WWTR1: variants seen among roughly 807,000 people sequenced by gnomAD.
The protein encoded by WWTR1 is WW domain-containing transcription regulator protein 1.
A neutral mutation model predicts 40.1 loss-of-function variants in WWTR1; 13 were observed. The observed-to-expected ratio is 0.32, with a 90% CI of 0.21 to 0.52. The LOEUF (loss-of-function observed/expected upper bound fraction) is 0.52, where lower values mean the gene tolerates loss of function less well. Among genes scored for constraint, WWTR1 ranks in the 20% least tolerant of loss-of-function variants. The pLI, the probability that WWTR1 is intolerant of heterozygous loss-of-function variation, is 0.97. For missense variants in WWTR1, 436 were observed against 523.1 expected, an observed-to-expected ratio of 0.83 and a Z score of 1.63; for synonymous variants, 230 against 210.1, an observed-to-expected ratio of 1.09 and a Z score of -0.82.
chr3:149,545,411 T>A (rs1192411338), intron 3 of WWTR1, among the ~76,000 whole-genome samples: 5 of 152,216 alleles, frequency 3.3e-5, no homozygotes, highest in Non-Finnish European at 7.3e-5. Flanking sequence ...AATATGGTAG[T>A]ATCTGACACA....
intron 1 of WWTR1, among the ~76,000 whole-genome samples, chr3:149,677,979 C>G (rs1020361923): frequency 6.6e-6 from 1 of 151,570 alleles, no homozygotes; most frequent in Non-Finnish European, 1.5e-5. Context: ...CCATGTTGGC[C>G]AGGCTGATCT....
At position 149,694,583 on chromosome 3, in the gene WWTR1, T is replaced by G. The variant is rs532294272; in HGVS notation, c.-108+8541A>C. ...AGGTGCCTGAAAAGGTGTTCAACAT[T>G]ATTGATCATCAGAGAAATGCAAACC... On this transcript the variant is annotated intron_variant, in intron 1 of 7. Transcript: ENST00000465804. Among the ~76,000 whole-genome samples the G allele has an allele frequency of 8.5e-5, 13 of 152,272 alleles. No individual in the cohort carries two copies. The South Asian group carries it at 2.7e-3, about 32-fold the overall frequency.
intron 1 of WWTR1, among the ~76,000 whole-genome samples, chr3:149,692,301 A>G (rs1446948721): frequency 6.6e-6 from 1 of 152,236 alleles, no homozygotes; most frequent in Non-Finnish European, 1.5e-5. Flanking sequence ...AAAATAATTC[A>G]CCATGACCAA....
chr3:149,698,540 T>C (rs1326740248), intron 1 of WWTR1, among the ~76,000 whole-genome samples: 2 of 152,200 alleles, frequency 1.3e-5, no homozygotes, highest in South Asian at 2.1e-4. Context: ...AACAGCTCCA[T>C]GAGGCAGTGC....
At chr3:149,618,924 C>T (rs1406291814) in intron 2 of WWTR1, among the ~76,000 whole-genome samples, 1 of 152,160 alleles carries the variant, frequency 6.6e-6, no homozygotes, top group Admixed American at 6.5e-5. Context: ...CCAACATCTC[C>T]TTCAACCCAT....
intron 1 of WWTR1, among the ~76,000 whole-genome samples, chr3:149,700,273 C>T (rs1715129430): frequency 6.6e-6 from 1 of 152,002 alleles, no homozygotes; most frequent in East Asian, 1.9e-4. Flanking sequence ...TCAAGACCAG[C>T]CTTGGGCAAC....
At chr3:149,579,098 G>T (rs946437293) in intron 2 of WWTR1, among the ~76,000 whole-genome samples, 4 of 152,182 alleles carry the variant, frequency 2.6e-5, no homozygotes, top group African/African-American at 9.7e-5. Context: ...CATTTTGAAA[G>T]AATTTAAAAC....
At chr3:149,609,829 T>C (rs921727149) in intron 2 of WWTR1, among the ~76,000 whole-genome samples, 1 of 152,228 alleles carries the variant, frequency 6.6e-6, no homozygotes, top group Non-Finnish European at 1.5e-5. Context: ...CAGCAAACTA[T>C]TGTTTTTACC....
chr3:149,638,158 G>A (rs1467710777), intron 2 of WWTR1, among the ~76,000 whole-genome samples: 1 of 152,124 alleles, frequency 6.6e-6, no homozygotes, highest in Non-Finnish European at 1.5e-5. Flanking sequence ...AGAGGTTGCA[G>A]GAAGCCAAGA....
intron 6 of WWTR1, among the ~76,000 whole-genome samples, chr3:149,521,291 G>T (rs1161709416): frequency 2.0e-5 from 3 of 152,138 alleles, no homozygotes; most frequent in Non-Finnish European, 1.5e-5. Context: ...GAGTAGAGAG[G>T]CCTTGTCTGT....
At position 149,519,525 on chromosome 3, in the gene WWTR1, GA is replaced by G. The variant is rs1734943047; in HGVS notation, c.*1279del. ...ACTGTGTGTGGTGTGCTATCAGGTT[GA>G]AATCTATGTTGTCCTGATGTTTTCA... On this transcript the variant is annotated 3_prime_UTR_variant, in exon 7 of 7. Coordinates refer to ENST00000360632, the MANE Select transcript of WWTR1 (RefSeq NM_015472.6). 6.6e-6 allele frequency: 1 copy of G among 152,332 alleles called. No homozygotes were observed. The highest frequency in any genetic ancestry group is 1.9e-4 in the East Asian group (1 of 5,192). 9.4% of individuals were successfully genotyped at this position (152,332 alleles called of 1,614,324 possible).
At chr3:149,557,061 CTTTTTTTTTTTTTTT>C (rs3044118) in intron 3 of WWTR1, among the ~76,000 whole-genome samples, 15 of 64,374 alleles carry the variant, frequency 2.3e-4, no homozygotes, top group African/African-American at 8.7e-4. Flanking sequence ...CTGGAATCTT[CTTTTTTTTTTTTTTT>C]TTTTTTTTTT....
intron 4 of WWTR1, among the ~76,000 whole-genome samples, chr3:149,535,382 C>CA (rs150617075): frequency 1.2e-4 from 18 of 150,614 alleles, no homozygotes; most frequent in African/African-American, 3.9e-4. Context: ...GCGGGGGGAA[C>CA]AAAAAAAAAT....
At chr3:149,631,184 C>CT (rs1711538414) in intron 2 of WWTR1, among the ~76,000 whole-genome samples, 1 of 152,134 alleles carries the variant, frequency 6.6e-6, no homozygotes, top group African/African-American at 2.4e-5. Flanking sequence ...TCTCGACCTC[C>CT]TACCAATATC....
chr3:149,625,956 C>T (rs1740526845), intron 2 of WWTR1, among the ~76,000 whole-genome samples: 1 of 152,134 alleles, frequency 6.6e-6, no homozygotes, highest in South Asian at 2.1e-4. Flanking sequence ...CCTACCAAGT[C>T]CCTCCCTTCC....
chr3:149,628,737 T>TTTTTATTTTA lies in WWTR1; in HGVS notation c.431+28129_431+28138dup, dbSNP rs144977104. On this transcript the variant is annotated intron_variant, in intron 2 of 6. Transcript: ENST00000360632. ...GTCTCACAAATGATTCTTTTTATTT[T>TTTTTATTTTA]TTTTATTTTATTTTATTTTATTTTA... Among the ~76,000 whole-genome samples the TTTTTATTTTA allele has an allele frequency of 8.8e-3, 1,278 of 144,730 alleles. 10 individuals are homozygous for TTTTTATTTTA. Among genetic ancestry groups the TTTTTATTTTA allele is most frequent in the East Asian group, 0.022 (107 of 4,896 alleles). 94.9% of individuals were successfully genotyped at this position (144,730 alleles called of 152,430 possible). A position where few individuals can be genotyped will look rare whatever the true frequency, so the allele number is the denominator to read the frequency against.
At chr3:149,595,653 T>C (rs755471959) in intron 2 of WWTR1, among the ~76,000 whole-genome samples, 1 of 152,172 alleles carries the variant, frequency 6.6e-6, no homozygotes. Context: ...TTTTTAACAA[T>C]AAAATCCTTC....
At position 149,634,590 on chromosome 3, in the gene WWTR1, T is replaced by C. The variant is rs540996498; in HGVS notation, c.431+22286A>G. ...AAATCAGAAAACAGAGCAATGCCTA[T>C]TCCCTACCAAGGTCCATGCACAATA... On this transcript the variant is annotated intron_variant, in intron 2 of 6. Coordinates refer to ENST00000360632, the MANE Select transcript of WWTR1 (RefSeq NM_015472.6). Among the ~76,000 whole-genome samples the C allele has an allele frequency of 2.2e-4, 33 of 152,310 alleles. No individual in the cohort carries two copies. In the South Asian group the frequency reaches 6.6e-3, roughly 31 times the overall value.
At chr3:149,621,832 A>G (rs1210788035) in intron 2 of WWTR1, among the ~76,000 whole-genome samples, 1 of 152,226 alleles carries the variant, frequency 6.6e-6, no homozygotes, top group East Asian at 1.9e-4. Flanking sequence ...TTTCTCTACT[A>G]CTGTTTCAAC....
Sources: allele counts gnomAD v4.1 joint callset (sites outside exome capture counted in the v4.1 genomes callset), GRCh38; gene constraint gnomAD v4.1.1; transcripts MANE v1.5; gene names NCBI Gene and HGNC (gene_info 2026-07-23, HGNC 2026-07-21).